Variants in SHROOM3 observed in about 807,000 individuals in gnomAD.
The protein encoded by SHROOM3 is shroom family member 3.
SHROOM3 carries 47 observed loss-of-function variants against 138.6 expected under a neutral mutation model. The ratio of observed to expected loss-of-function variants is 0.34; its 90% CI spans 0.27 to 0.43. The LOEUF (loss-of-function observed/expected upper bound fraction) is 0.43. Ranked by LOEUF, SHROOM3 falls within the 20% of genes least tolerant of loss-of-function variation. The pLI is 1.00. For missense variants in SHROOM3, 2,491 were observed against 2,596.5 expected (o/e 0.96, Z 0.88); for synonymous variants, 1,062 against 1,063.3 (o/e 1.00, Z 0.02).
At chr4:76,436,283 C>G in intron 1 of SHROOM3, 63 bp downstream of exon 1, 1 of 1,572,190 alleles carries the variant, frequency 6.4e-7, no homozygotes, top group Non-Finnish European at 8.7e-7. Flanking sequence ...TCAGATTTGT[C>G]AAAAATGCAA....
rs1718641772 is a variant in SHROOM3 at position 76,664,572 on chromosome 4, T to G, written c.324-45584T>G. ...CCCAGAAATTCTGATTCAGTTGGTT[T>G]GAGGTTGGTCCTGGGCCTCTGGGTC... On this transcript the variant is annotated intron_variant, in intron 2 of 10. Coordinates refer to ENST00000296043, the MANE Select transcript of SHROOM3 (RefSeq NM_020859.4). This position sits in a 1 kb window ranked among gnomAD's most constrained non-coding sequence, Gnocchi z 4.2. Among the ~76,000 whole-genome samples, 1 of 152,216 alleles carries G rather than the reference T, an allele frequency of 6.6e-6. No individual in the cohort carries two copies.
Position 76,544,407 on chromosome 4 carries a change from CTTTTTT to C in SHROOM3, c.169-11180_169-11175del, listed in dbSNP as rs58799466. On this transcript the variant is annotated intron_variant, in intron 1 of 10. Coordinates refer to ENST00000296043, the MANE Select transcript of SHROOM3 (RefSeq NM_020859.4). ...AAAAAATTTTAAGATAGCTCAATGG[CTTTTTT>C]TTTTTTTTTTTTTTTTTTTTTGATG... Among the ~76,000 whole-genome samples the C allele has an allele frequency of 8.9e-3, 674 of 75,776 alleles. 1 individual carries two copies. The highest frequency in any genetic ancestry group is 0.037 in the Middle Eastern group (3 of 80). The allele number at this position is 75,776 out of a possible 152,430, so 49.7% of individuals were successfully genotyped here.
In SHROOM3 at chr4:76,741,307, A is replaced by G; in HGVS notation, c.3134A>G (p.Asn1045Ser). The G allele has an allele frequency of 1.9e-6, 3 of 1,611,994 alleles. No homozygotes were observed. The highest frequency in any genetic ancestry group is 2.2e-5 in the South Asian group (2 of 91,050). ...CCGGCACCCCTGGGCCCGCAGAGAA[A>G]TGGGATGCGTTTCCCGGAGAGCAGC... Reference protein sequence around the residue: ...AEPAPLGPQRNGMRFPESSVA... With the variant: ...AEPAPLGPQRSGMRFPESSVA... Residue 1045 changes from asparagine to serine, a missense_variant, in exon 5 of 11, where the codon AAT (asparagine) becomes AGT (serine). Asn to Ser is a conservative substitution (Grantham distance 46). Transcript: ENST00000296043. The surrounding 1 kb of genome is among the most constrained non-coding windows in gnomAD (Gnocchi z 6.2).
chr4:76,491,690 C>A (rs1174820435), intron 1 of SHROOM3, among the ~76,000 whole-genome samples: 2 of 152,184 alleles, frequency 1.3e-5, no homozygotes, highest in Admixed American at 1.3e-4. Context: ...ACTGGGGAGC[C>A]CCTGAAACAA....
intron 2 of SHROOM3, among the ~76,000 whole-genome samples, chr4:76,600,143 C>T (rs1734476008): frequency 6.7e-6 from 1 of 148,670 alleles, no homozygotes; most frequent in South Asian, 2.2e-4. Flanking sequence ...CAGAGTGAGA[C>T]CCTGTCTCCA....
Position 76,741,822 on chromosome 4 carries a change from G to T in SHROOM3, c.3649G>T (p.Gly1217Trp). The T allele has an allele frequency of 6.3e-7, 1 of 1,593,308 alleles. No individual in the cohort carries two copies. Among genetic ancestry groups the T allele is most frequent in the South Asian group, 1.1e-5 (1 of 87,644 alleles). ...REPSSWGARA[G>W]KSMSAEDLLE... is the part of the protein sequence containing the mutation. ...GCCATCCTCCTGGGGGGCCAGGGCC[G>T]GGAAGTCCATGTCGGCCGAGGACCT... The change falls in exon 5 of 11, where the codon GGG (glycine) becomes TGG (tryptophan). Residue 1217 changes from glycine (G) to tryptophan (W), a missense_variant. This residue lies in a region of SHROOM3 where 1,733 missense variants were observed against 1,661.6 expected (regional missense o/e 1.04). Transcript: ENST00000296043. The surrounding 1 kb of genome is among the most constrained non-coding windows in gnomAD (Gnocchi z 6.2).
chr4:76,436,267 A>T lies in SHROOM3; in HGVS notation c.168+47A>T, dbSNP rs777031669. 19 of 1,607,474 alleles carry T rather than the reference A, an allele frequency of 1.2e-5. No individual in the cohort carries two copies. In the African/African-American group the frequency reaches 1.9e-4, roughly 16 times the overall value. Reference sequence around the variant, plus strand: ...TGCCTTTATTCAAATTGTTTTTTTCAACTTGTCAGATTTGTCAAAAATGCA... The same window carrying T: ...TGCCTTTATTCAAATTGTTTTTTTCTACTTGTCAGATTTGTCAAAAATGCA... On this transcript the variant is annotated intron_variant, in intron 1 of 10. Transcript: ENST00000296043.
At chr4:76,731,045 AAATATT>A in intron 4 of SHROOM3, 110 bp downstream of exon 4, 1 of 1,425,664 alleles carries the variant, frequency 7.0e-7, no homozygotes, top group Non-Finnish European at 9.8e-7. Flanking sequence ...TACTCACACT[AAATATT>A]AAATCTCTAT....
At chr4:76,554,805 G>A (rs1419248508) in intron 1 of SHROOM3, among the ~76,000 whole-genome samples, 1 of 152,094 alleles carries the variant, frequency 6.6e-6, no homozygotes, top group East Asian at 1.9e-4. Flanking sequence ...AGGCCGCACA[G>A]TAGGAGTGGA....
chr4:76,654,269 G>A (rs748244905), intron 2 of SHROOM3, among the ~76,000 whole-genome samples: 6 of 152,302 alleles, frequency 3.9e-5, no homozygotes, highest in East Asian at 1.9e-4. Context: ...GGAAGGGAAC[G>A]TTAAAAGTCT....
At chr4:76,678,693 T>C (rs1343792290) in intron 2 of SHROOM3, among the ~76,000 whole-genome samples, 1 of 152,204 alleles carries the variant, frequency 6.6e-6, no homozygotes, top group Admixed American at 6.5e-5. Flanking sequence ...GAAGTCTTGC[T>C]TTTGTTCCTC....
chr4:76,534,025 T>C (rs995062361), intron 1 of SHROOM3, among the ~76,000 whole-genome samples: 1 of 152,076 alleles, frequency 6.6e-6, no homozygotes, highest in Non-Finnish European at 1.5e-5. Context: ...ATTTATAAGG[T>C]TCAAGAGTCT....
At chr4:76,621,988 G>A (rs1044605165) in intron 2 of SHROOM3, among the ~76,000 whole-genome samples, 2 of 151,808 alleles carry the variant, frequency 1.3e-5, no homozygotes, top group South Asian at 2.1e-4. Flanking sequence ...CTGCTACCAC[G>A]CCTGGCTAAT....
intron 1 of SHROOM3, among the ~76,000 whole-genome samples, chr4:76,540,799 G>C (rs1189193015): frequency 6.6e-6 from 1 of 152,164 alleles, no homozygotes; most frequent in Non-Finnish European, 1.5e-5. Flanking sequence ...GGGAAAAAAA[G>C]AGAAGAGAAA....
intron 1 of SHROOM3, among the ~76,000 whole-genome samples, chr4:76,547,695 T>C (rs187328801): frequency 3.3e-5 from 5 of 152,146 alleles, no homozygotes; most frequent in Non-Finnish European, 5.9e-5. Context: ...TTTGGGAGGC[T>C]GAGGTGGGTG....
Position 76,676,836 on chromosome 4 carries a change from G to C in SHROOM3, c.324-33320G>C, listed in dbSNP as rs570290586. 8.6e-5 allele frequency among the ~76,000 whole-genome samples: 13 copies of C among 151,846 alleles called. No individual in the cohort carries two copies. In the East Asian group the frequency reaches 1.9e-3, roughly 23 times the overall value. On this transcript the variant is annotated intron_variant, in intron 2 of 10. Coordinates refer to ENST00000296043, the MANE Select transcript of SHROOM3 (RefSeq NM_020859.4). ...CCGGCGCCTGTAGTCCCAGCTACTC[G>C]GGAGGCTGAGGCAGGAGAATGGCGT...
chr4:76,522,677 A>T (rs1019885366), intron 1 of SHROOM3, among the ~76,000 whole-genome samples: 1 of 152,072 alleles, frequency 6.6e-6, no homozygotes, highest in African/African-American at 2.4e-5. Flanking sequence ...AATCCCAGCT[A>T]CTCAGGAGGC....
intron 2 of SHROOM3, among the ~76,000 whole-genome samples, chr4:76,685,261 A>AGAGCAG (rs2110105066): frequency 6.6e-6 from 1 of 152,346 alleles, no homozygotes; most frequent in East Asian, 1.9e-4. Flanking sequence ...AGAACAGTAT[A>AGAGCAG]GAGCAGGGGT....
At chr4:76,622,404 T>G (rs1735027922) in intron 2 of SHROOM3, among the ~76,000 whole-genome samples, 1 of 152,084 alleles carries the variant, frequency 6.6e-6, no homozygotes, top group South Asian at 2.1e-4. Context: ...GGAACATTCT[T>G]GACTCCTGAG....
Sources: gnomAD v4.1 joint callset for allele counts (sites outside exome capture counted in the v4.1 genomes callset) on GRCh38, gnomAD v4.1.1 for gene constraint, gnomAD v4.1.1 regional missense constraint, Gnocchi (gnomAD v3.1) non-coding constraint, MANE v1.5 for transcripts, NCBI Gene and HGNC (gene_info 2026-07-23, HGNC 2026-07-21) for gene names.